Variants in PLXNA1 observed in about 807,000 individuals in gnomAD.
PLXNA1 encodes the protein plexin-A1.
Under a neutral mutation model 191.7 loss-of-function variants are expected in PLXNA1, and 77 were observed. That is an observed-to-expected ratio of 0.40 (90% CI 0.33 to 0.49). The LOEUF (loss-of-function observed/expected upper bound fraction) is 0.49, where lower values mean the gene tolerates loss of function less well. Ranked by LOEUF, PLXNA1 falls within the 20% of genes least tolerant of loss-of-function variation. The pLI is 0.63. For missense variants in PLXNA1, 2,110 were observed against 2,660.2 expected (o/e 0.79, Z 4.55); for synonymous variants, 1,137 against 1,156.4 (o/e 0.98, Z 0.34).
At position 126,994,017 on chromosome 3, in the gene PLXNA1, C is replaced by T. The variant is rs759970612; in HGVS notation, c.1377+2451C>T. On this transcript the variant is annotated intron_variant, in intron 3 of 31. Transcript: ENST00000393409. ...GCCTCTCTGAGCCTTGGTGTCTCCTCGTACCATGCGGACCTGGCATGCTCG... is the reference window on the plus strand; with the variant it reads ...GCCTCTCTGAGCCTTGGTGTCTCCTTGTACCATGCGGACCTGGCATGCTCG... Among the ~76,000 whole-genome samples, 112 of 152,258 alleles carry T rather than the reference C, an allele frequency of 7.4e-4. 1 individual carries two copies. The highest frequency in any genetic ancestry group is 4.1e-4 in the South Asian group (2 of 4,822).
chr3:127,015,585 A>G (rs1048844947), intron 15 of PLXNA1, among the ~76,000 whole-genome samples: 30 of 152,216 alleles, frequency 2.0e-4, no homozygotes, highest in Non-Finnish European at 2.6e-4. Context: ...GAAGGGGGGA[A>G]TCCCTTGGGT....
In PLXNA1 at chr3:127,036,157, C is replaced by T. The variant is rs1473983634; in HGVS notation, c.*2140C>T. On this transcript the variant is annotated 3_prime_UTR_variant, in exon 32 of 32. Coordinates refer to ENST00000393409, the MANE Select transcript of PLXNA1 (RefSeq NM_032242.4). ...TTCCTGGCTATGGTGGGGTGGGAAC[C>T]TCAGTTTCCCCCAAAGTCTTCCCTG... is the stretch of plus-strand genomic sequence containing the variant. 1 of 152,684 alleles carries T rather than the reference C, an allele frequency of 6.5e-6. No individual in the cohort carries two copies. The highest frequency in any genetic ancestry group is 1.5e-5 in the Non-Finnish European group (1 of 68,084). The allele number at this position is 152,684 out of a possible 1,614,324, so 9.5% of individuals were successfully genotyped here. A position where few individuals can be genotyped will look rare whatever the true frequency, so the allele number is the denominator to read the frequency against.
chr3:127,001,670 C>G (rs909738433), intron 3 of PLXNA1, among the ~76,000 whole-genome samples: 1 of 152,274 alleles, frequency 6.6e-6, no homozygotes, highest in African/African-American at 2.4e-5. Context: ...TTCCTTCCCC[C>G]ACTCCCTGGT....
At chr3:127,020,110 C>A in intron 20 of PLXNA1, 92 bp from the exon 21 acceptor site, 1 of 1,495,230 alleles carries the variant, frequency 6.7e-7, no homozygotes, top group South Asian at 1.2e-5. Flanking sequence ...GTGTCAGAGC[C>A]AGGATTTGAT....
Position 127,004,614 on chromosome 3 carries a change from A to T in PLXNA1, c.1522A>T (p.Thr508Ser), listed in dbSNP as rs1294390630. 4 of 1,567,410 alleles carry T rather than the reference A, an allele frequency of 2.6e-6. No homozygotes were observed. The highest frequency in any genetic ancestry group is 3.8e-5 in the Admixed American group (2 of 52,968). The change falls in exon 5 of 32, where the codon ACG becomes TCG. Residue 508 changes from threonine (T) to serine (S), a missense_variant. Coordinates refer to ENST00000393409, the MANE Select transcript of PLXNA1 (RefSeq NM_032242.4). ...YLYAMTEKQV[T>S]RVPVESCVQY... Reference sequence around the variant, plus strand: ...CCTGACACCTCCCCCACACCAGGTGACGCGGGTGCCTGTGGAGAGCTGTGT... The same window carrying T: ...CCTGACACCTCCCCCACACCAGGTGTCGCGGGTGCCTGTGGAGAGCTGTGT...
At chr3:127,028,731 C>A (rs968477770) in intron 25 of PLXNA1, 1 of 557,336 alleles carries the variant, frequency 1.8e-6, no homozygotes, top group Non-Finnish European at 3.2e-6. Flanking sequence ...GCCTCGGTGC[C>A]AGGCTGAGGA....
At position 127,018,512 on chromosome 3, in the gene PLXNA1, C is replaced by A; in HGVS notation, c.3879C>A (p.Ala1293=). 6.2e-7 allele frequency: 1 copy of A among 1,609,318 alleles called. No individual in the cohort carries two copies. The highest frequency in any genetic ancestry group is 8.5e-7 in the Non-Finnish European group (1 of 1,177,038). The part of the protein sequence containing the change: ...LQMDNLESRV[A]LECKEAFAEL... ...TGGACAACCTGGAGTCCCGCGTGGC[C>A]CTCGAATGCAAGGAAGGTCTGTTGG... is the stretch of plus-strand genomic sequence containing the variant. Residue 1293 remains alanine (A), a synonymous_variant, in exon 20 of 32, where the codon GCC becomes GCA. Coordinates refer to ENST00000393409, the MANE Select transcript of PLXNA1 (RefSeq NM_032242.4).
chr3:127,022,002 A>G, intron 21 of PLXNA1, 83 bp from the exon 22 acceptor site: 1 of 1,534,934 alleles, frequency 6.5e-7, no homozygotes, highest in Non-Finnish European at 8.8e-7. Context: ...CTCACCAGCC[A>G]GGCCTGGACA....
Position 127,033,448 on chromosome 3 carries a change from C to T in PLXNA1, c.5596-474C>T, listed in dbSNP as rs191754600. Among the ~76,000 whole-genome samples, 5 of 152,276 alleles carry T rather than the reference C, an allele frequency of 3.3e-5. No homozygotes were observed. The East Asian group carries it at 9.7e-4, about 29-fold the overall frequency. Reference sequence around the variant, plus strand: ...GGTGCAGCAGAGGCAAGGAACCTTCCCCAGGGTGCCACAGGAGGCAGACAG... The same window carrying T: ...GGTGCAGCAGAGGCAAGGAACCTTCTCCAGGGTGCCACAGGAGGCAGACAG... On this transcript the variant is annotated intron_variant, in intron 31 of 31. Coordinates refer to ENST00000393409, the MANE Select transcript of PLXNA1 (RefSeq NM_032242.4).
At chr3:126,983,389 C>T (rs2078940627) in intron 1 of PLXNA1, among the ~76,000 whole-genome samples, 102 bp downstream of exon 1, 1 of 144,534 alleles carries the variant, frequency 6.9e-6, no homozygotes, top group South Asian at 2.1e-4. Context: ...CGCGGGGCGG[C>T]CTCCGGCGGC....
At chr3:127,006,721 C>T (rs2079070429) in intron 8 of PLXNA1, among the ~76,000 whole-genome samples, 1 of 152,172 alleles carries the variant, frequency 6.6e-6, no homozygotes, top group African/African-American at 2.4e-5. Context: ...CTGGTTGGTG[C>T]TGGCCCCTGT....
At chr3:127,018,199 G>C (rs2079134813) in intron 19 of PLXNA1, 95 bp from the exon 20 acceptor site, 1 of 1,132,766 alleles carries the variant, frequency 8.8e-7, no homozygotes, top group African/African-American at 1.5e-5. Flanking sequence ...CTTTCCCACA[G>C]GCAGGTGTTG....
chr3:127,029,637 C>A, intron 27 of PLXNA1, 101 bp downstream of exon 27: 1 of 1,307,194 alleles, frequency 7.6e-7, no homozygotes, highest in Non-Finnish European at 1.1e-6. Flanking sequence ...CGGGAGGACC[C>A]AGGGGCAGGT....
rs758654359 is a variant in PLXNA1 at position 127,017,861 on chromosome 3, C to T, written c.3629C>T (p.Ala1210Val). The T allele has an allele frequency of 4.9e-5, 79 of 1,612,666 alleles. No individual in the cohort carries two copies. Among genetic ancestry groups the T allele is most frequent in the Middle Eastern group, 1.6e-4 (1 of 6,084 alleles). ...TVSETQLLCEAPNLTGQHKVT... is the reference protein window; with the variant it reads ...TVSETQLLCEVPNLTGQHKVT... Reference sequence around the variant, plus strand: ...TCGGAGACGCAACTGCTGTGCGAGGCGCCCAACCTCACTGGGCAGCACAAG... The same window carrying T: ...TCGGAGACGCAACTGCTGTGCGAGGTGCCCAACCTCACTGGGCAGCACAAG... Residue 1210 changes from alanine (A) to valine (V), a missense_variant, in exon 19 of 32, where the codon GCG becomes GTG. Physicochemically the swap from Ala to Val is moderately conservative, Grantham distance 64. Coordinates refer to ENST00000393409, the MANE Select transcript of PLXNA1 (RefSeq NM_032242.4).
At chr3:127,032,640 G>A (rs372050463) in intron 30 of PLXNA1, 41 bp downstream of exon 30, 1 of 1,609,746 alleles carries the variant, frequency 6.2e-7, no homozygotes, top group South Asian at 1.1e-5. Flanking sequence ...GGGCCCGGGG[G>A]CAGCCTGGAC....
intron 9 of PLXNA1, 127 bp from the exon 10 acceptor site, chr3:127,011,831 C>A: frequency 1.1e-6 from 1 of 878,666 alleles, no homozygotes; most frequent in Non-Finnish European, 1.9e-6. Context: ...TTTGCCAGTG[C>A]ATAAAATGGG....
intron 3 of PLXNA1, among the ~76,000 whole-genome samples, chr3:127,001,645 C>A (rs1338733882): frequency 6.6e-6 from 1 of 152,258 alleles, no homozygotes; most frequent in Non-Finnish European, 1.5e-5. Context: ...CAGTCTGTGT[C>A]CTGCCCTCCT....
intron 23 of PLXNA1, 107 bp downstream of exon 23, chr3:127,022,925 G>A (rs890687382): frequency 9.7e-7 from 1 of 1,035,540 alleles, no homozygotes; most frequent in Non-Finnish European, 1.5e-6. Context: ...GACAGCTGGT[G>A]GGGTCTTGGT....
intron 3 of PLXNA1, among the ~76,000 whole-genome samples, chr3:127,001,459 C>G (rs1476898085): frequency 6.6e-6 from 1 of 152,214 alleles, no homozygotes; most frequent in Non-Finnish European, 1.5e-5. Context: ...GGGCCATATC[C>G]CCTGGTGCTG....
Sources: gnomAD v4.1 joint callset for allele counts (sites outside exome capture counted in the v4.1 genomes callset) on GRCh38, gnomAD v4.1.1 for gene constraint, MANE v1.5 for transcripts, NCBI Gene and HGNC (gene_info 2026-07-23, HGNC 2026-07-21) for gene names.